Variants in PRDM2 observed in about 807,000 individuals in gnomAD.
The protein encoded by PRDM2 is PR/SET domain 2.
A neutral mutation model predicts 130.0 loss-of-function variants in PRDM2; 30 were observed. That is an observed-to-expected ratio of 0.23 (90% confidence interval 0.17 to 0.31). PRDM2 has a LOEUF of 0.31. PRDM2 is among the 10% of genes least tolerant of loss of function. The pLI is 1.00. For synonymous variants in PRDM2, 871 were observed against 782.4 expected (o/e 1.11, Z -1.89); for missense variants, 2,011 against 2,108.4 (o/e 0.95, Z 0.90).
intron 2 of PRDM2, among the ~76,000 whole-genome samples, chr1:13,727,624 A>G (rs1419028316): frequency 6.6e-6 from 1 of 152,022 alleles, no homozygotes; most frequent in African/African-American, 2.4e-5. Context: ...TGAGTTTTCT[A>G]CAGGGCATCA....
At chr1:13,814,112 A>G (rs757509972) in intron 8 of PRDM2, among the ~76,000 whole-genome samples, 1 of 152,194 alleles carries the variant, frequency 6.6e-6, no homozygotes, top group Non-Finnish European at 1.5e-5. Context: ...ATTGCCCAAC[A>G]GGACACAGGA....
chr1:13,781,111 G>C lies in PRDM2; in HGVS notation c.3316G>C (p.Glu1106Gln). 1.9e-6 allele frequency: 3 copies of C among 1,614,008 alleles called. No individual in the cohort carries two copies. The highest frequency in any genetic ancestry group is 2.5e-6 in the Non-Finnish European group (3 of 1,179,876). ...GATATCTTTCAAACAGGAGGAATTA[G>C]AGAATGAAGGTCTGAAACCCAGGGA... ...PMISFKQEEL[E>Q]NEGLKPREEP... Residue 1106 changes from glutamate to glutamine, a missense_variant, in exon 8 of 10, where the codon GAG (glutamate) becomes CAG (glutamine). Coordinates refer to ENST00000311066, the MANE Select transcript of PRDM2 (RefSeq NM_001393986.1). The surrounding 1 kb of genome is among the most constrained non-coding windows in gnomAD (Gnocchi z 6.1).
intron 2 of PRDM2, among the ~76,000 whole-genome samples, chr1:13,719,987 G>C (rs1384379068): frequency 6.6e-6 from 1 of 152,052 alleles, no homozygotes; most frequent in Non-Finnish European, 1.5e-5. Flanking sequence ...ACTATGAATT[G>C]TTCTTAATAT....
intron 4 of PRDM2, among the ~76,000 whole-genome samples, chr1:13,741,575 T>C (rs1643442648): frequency 2.0e-5 from 3 of 152,268 alleles, no homozygotes; most frequent in Middle Eastern, 3.4e-3. Context: ...CCCAGAAAGC[T>C]TGGGATTTGG....
At chr1:13,795,772 G>C (rs1473140203) in intron 8 of PRDM2, among the ~76,000 whole-genome samples, 2 of 152,222 alleles carry the variant, frequency 1.3e-5, no homozygotes, top group African/African-American at 4.8e-5. Context: ...AGAAGGAGCA[G>C]ATCTAGATAC....
At chr1:13,715,159 C>T (rs1642493310) in intron 1 of PRDM2, among the ~76,000 whole-genome samples, 4 of 152,140 alleles carry the variant, frequency 2.6e-5, no homozygotes, top group Admixed American at 1.3e-4. Context: ...ATGGTGTTTA[C>T]GTACAACACA....
intron 8 of PRDM2, among the ~76,000 whole-genome samples, chr1:13,808,104 G>C (rs1477414245): frequency 6.6e-6 from 1 of 152,140 alleles, no homozygotes; most frequent in African/African-American, 2.4e-5. Flanking sequence ...CACACAGCAG[G>C]TTCCTCCCAA....
intron 6 of PRDM2, among the ~76,000 whole-genome samples, chr1:13,767,273 T>C (rs577345103): frequency 1.1e-4 from 17 of 152,196 alleles, no homozygotes; most frequent in Middle Eastern, 3.4e-3. Context: ...TGTTGCTTTT[T>C]TTTTTTTAAA....
chr1:13,712,021 C>T (rs189077710), intron 1 of PRDM2, among the ~76,000 whole-genome samples: 36 of 149,868 alleles, frequency 2.4e-4, no homozygotes, highest in African/African-American at 8.6e-4. Context: ...AAGATGATAG[C>T]CTGGGTAACA....
chr1:13,778,125 C>T (rs1011778138), intron 7 of PRDM2, among the ~76,000 whole-genome samples: 1 of 152,166 alleles, frequency 6.6e-6, no homozygotes, highest in African/African-American at 2.4e-5. Flanking sequence ...CAACTAAACA[C>T]AAATCCCCAG....
intron 9 of PRDM2, among the ~76,000 whole-genome samples, chr1:13,822,547 C>T (rs1269482495): frequency 6.6e-6 from 1 of 152,042 alleles, no homozygotes; most frequent in Admixed American, 6.5e-5. Context: ...AGGCACCTGC[C>T]ACCATGCCTG....
At chr1:13,769,454 G>T (rs1261196397) in intron 6 of PRDM2, among the ~76,000 whole-genome samples, 3 of 152,214 alleles carry the variant, frequency 2.0e-5, no homozygotes, top group East Asian at 1.9e-4. Context: ...TCTGCTTTCT[G>T]TTCTGCCATA....
In PRDM2 at chr1:13,806,707, G is replaced by A. The variant is rs2100744955; in HGVS notation, c.5037-9720G>A. ...GATGGTGGCAGTCACCTCCTTGCTG[G>A]TGTCCCCAGTTCCTTCCCTGTCAAC... is the stretch of plus-strand genomic sequence containing the variant. On this transcript the variant is annotated intron_variant, in intron 8 of 9. Transcript: ENST00000311066. The surrounding 1 kb of genome is among the most constrained non-coding windows in gnomAD (Gnocchi z 4.1). 6.6e-6 allele frequency among the ~76,000 whole-genome samples: 1 copy of A among 152,206 alleles called. No individual in the cohort carries two copies. Among genetic ancestry groups the A allele is most frequent in the Non-Finnish European group, 1.5e-5 (1 of 68,006 alleles).
At chr1:13,787,135 T>C (rs756312385) in intron 8 of PRDM2, 14 of 985,526 alleles carry the variant, frequency 1.4e-5, no homozygotes, top group Non-Finnish European at 1.7e-5. Flanking sequence ...ATGGACTCTT[T>C]TTTATGCCTA....
intron 6 of PRDM2, among the ~76,000 whole-genome samples, chr1:13,758,038 A>T (rs1004557544): frequency 6.6e-6 from 1 of 152,128 alleles, no homozygotes; most frequent in Non-Finnish European, 1.5e-5. Flanking sequence ...AGATTCTTAG[A>T]ATATGTATGT....
Position 13,779,942 on chromosome 1 carries a change from C to T in PRDM2, c.2147C>T (p.Pro716Leu). The T allele has an allele frequency of 6.2e-7, 1 of 1,614,186 alleles. No homozygotes were observed. Among genetic ancestry groups the T allele is most frequent in the Non-Finnish European group, 8.5e-7 (1 of 1,180,030 alleles). Residue 716 changes from proline (P) to leucine (L), a missense_variant, in exon 8 of 10, where the codon CCT (proline) becomes CTT (leucine). Pro to Leu is a moderately conservative substitution (Grantham distance 98). Around this residue, in one of 5 missense-constraint regions of PRDM2, gnomAD observed 1,288 missense variants for 1,237.7 expected, o/e 1.04. Transcript: ENST00000311066. This position sits in a 1 kb window ranked among gnomAD's most constrained non-coding sequence, Gnocchi z 4.9. ...ISATEIAKLG[P>L]VCVSAPASML... ...GCAACTGAAATAGCTAAATTAGGTC[C>T]TGTTTGTGTGTCTGCTCCTGCATCA...
intron 4 of PRDM2, among the ~76,000 whole-genome samples, chr1:13,738,000 A>G (rs1157895915): frequency 4.6e-5 from 7 of 152,284 alleles, no homozygotes; most frequent in South Asian, 2.1e-4. Context: ...TCTGAGTTCT[A>G]TGTGGCTTCA....
At chr1:13,717,477 G>A (rs1369831159) in intron 2 of PRDM2, 9 of 964,490 alleles carry the variant, frequency 9.3e-6, no homozygotes, top group East Asian at 1.1e-4. Context: ...TTGTTGCATC[G>A]CTGTTCAGAA....
intron 6 of PRDM2, among the ~76,000 whole-genome samples, chr1:13,753,873 C>T (rs1202590342): frequency 6.6e-6 from 1 of 152,168 alleles, no homozygotes; most frequent in Non-Finnish European, 1.5e-5. Flanking sequence ...ACAAGTATTC[C>T]TTGCATCTGT....
Sources: gnomAD v4.1 joint callset for allele counts (sites outside exome capture counted in the v4.1 genomes callset) on GRCh38, gnomAD v4.1.1 for gene constraint, gnomAD v4.1.1 regional missense constraint, Gnocchi (gnomAD v3.1) non-coding constraint, MANE v1.5 for transcripts, NCBI Gene and HGNC (gene_info 2026-07-23, HGNC 2026-07-21) for gene names.